Variants in NKAIN2 observed in about 807,000 individuals in gnomAD.
NKAIN2 encodes sodium/potassium-transporting ATPase subunit beta-1-interacting protein 2.
In NKAIN2, 14 loss-of-function variants were observed where a neutral mutation model predicts 32.6. That is an observed-to-expected ratio of 0.43 (90% CI 0.28 to 0.67). The LOEUF (loss-of-function observed/expected upper bound fraction) is 0.67. Ranked by LOEUF, NKAIN2 falls within the 30% of genes least tolerant of loss-of-function variation. The pLI is 0.17. For missense variants in NKAIN2, 198 were observed against 258.3 expected (o/e 0.77, Z 1.60); for synonymous variants, 80 against 87.2 (o/e 0.92, Z 0.46).
At chr6:123,934,257 A>G (rs1378921622) in intron 1 of NKAIN2, among the ~76,000 whole-genome samples, 1 of 152,182 alleles carries the variant, frequency 6.6e-6, no homozygotes, top group African/African-American at 2.4e-5. Context: ...ATGACTCCAT[A>G]GAATTATTTG....
At chr6:124,428,496 A>C (rs1022829916) in intron 3 of NKAIN2, among the ~76,000 whole-genome samples, 4 of 152,198 alleles carry the variant, frequency 2.6e-5, no homozygotes, top group African/African-American at 9.6e-5. Context: ...TCCTGCAAAT[A>C]TATAAAGGGA....
chr6:124,612,528 T>C (rs1287700129), intron 3 of NKAIN2, among the ~76,000 whole-genome samples: 2 of 152,140 alleles, frequency 1.3e-5, no homozygotes, highest in African/African-American at 4.8e-5. Flanking sequence ...CTTGAAGTCT[T>C]ATACCTGTAA....
chr6:123,925,257 G>GT (rs1279361827), intron 1 of NKAIN2, among the ~76,000 whole-genome samples: 1 of 152,128 alleles, frequency 6.6e-6, no homozygotes, highest in Non-Finnish European at 1.5e-5. Flanking sequence ...CCAATGCTAA[G>GT]TTTGAATATA....
At chr6:124,738,638 C>G (rs1052378871) in intron 4 of NKAIN2, among the ~76,000 whole-genome samples, 3 of 151,800 alleles carry the variant, frequency 2.0e-5, no homozygotes, top group Non-Finnish European at 4.4e-5. Context: ...CTTACTTATG[C>G]ATCATGAACC....
chr6:124,516,003 G>T (rs1401051963), intron 3 of NKAIN2, among the ~76,000 whole-genome samples: 1 of 152,096 alleles, frequency 6.6e-6, no homozygotes, highest in Non-Finnish European at 1.5e-5. Flanking sequence ...GTTATGCGAT[G>T]ATTTCTTCAA....
At chr6:124,745,132 A>G (rs181795502) in intron 4 of NKAIN2, among the ~76,000 whole-genome samples, 1 of 152,034 alleles carries the variant, frequency 6.6e-6, no homozygotes, top group East Asian at 1.9e-4. Context: ...ATACTATAAA[A>G]TGTTCAATTA....
chr6:124,316,040 A>C (rs1007588987), intron 2 of NKAIN2, among the ~76,000 whole-genome samples: 2 of 152,124 alleles, frequency 1.3e-5, no homozygotes, highest in Non-Finnish European at 2.9e-5. Context: ...AAATACAATA[A>C]GGAGGAATAA....
At chr6:124,170,658 A>G (rs1435755583) in intron 1 of NKAIN2, among the ~76,000 whole-genome samples, 1 of 152,200 alleles carries the variant, frequency 6.6e-6, no homozygotes, top group East Asian at 1.9e-4. Flanking sequence ...TTCTATAAAT[A>G]CAGTGAATTT....
At chr6:123,909,607 C>G (rs1775065208) in intron 1 of NKAIN2, among the ~76,000 whole-genome samples, 1 of 152,168 alleles carries the variant, frequency 6.6e-6, no homozygotes, top group Non-Finnish European at 1.5e-5. Flanking sequence ...TCTTCCCACC[C>G]AACCCAGCTT....
rs1778925300 is a variant in NKAIN2 at position 124,774,980 on chromosome 6, AT to A, written c.475-16358del. ...TAATGAATGTGATGATTTTAAAAAA[AT>A]AAACCTCCAATTCTAGAGAGAAGAG... is the stretch of plus-strand genomic sequence containing the variant. On this transcript the variant is annotated intron_variant, in intron 4 of 6. Transcript: ENST00000368417. 2.0e-5 allele frequency among the ~76,000 whole-genome samples: 3 copies of A among 152,318 alleles called. No individual in the cohort carries two copies. The South Asian group carries it at 6.2e-4, about 32-fold the overall frequency.
intron 2 of NKAIN2, among the ~76,000 whole-genome samples, chr6:124,345,471 T>C (rs969469167): frequency 9.2e-5 from 14 of 152,210 alleles, no homozygotes; most frequent in African/African-American, 1.9e-4. Flanking sequence ...TCCTGGACTC[T>C]TTTTGGTTGG....
chr6:124,160,619 G>A (rs1341277792), intron 1 of NKAIN2, among the ~76,000 whole-genome samples: 1 of 151,974 alleles, frequency 6.6e-6, no homozygotes, highest in Non-Finnish European at 1.5e-5. Flanking sequence ...TTTCATGAAA[G>A]GTTGGTTTAA....
At chr6:124,376,444 A>G (rs1455465789) in intron 3 of NKAIN2, among the ~76,000 whole-genome samples, 1 of 152,174 alleles carries the variant, frequency 6.6e-6, no homozygotes, top group Non-Finnish European at 1.5e-5. Context: ...AAAAAATCTC[A>G]TAGTGTGAAA....
intron 1 of NKAIN2, among the ~76,000 whole-genome samples, chr6:124,056,929 T>C (rs1782680919): frequency 6.6e-6 from 1 of 152,018 alleles, no homozygotes; most frequent in Admixed American, 6.6e-5. Flanking sequence ...CTGGAAACTG[T>C]TATGGCTTTG....
At chr6:124,075,219 G>T (rs6932669) in intron 1 of NKAIN2, among the ~76,000 whole-genome samples, 1 of 151,924 alleles carries the variant, frequency 6.6e-6, no homozygotes, top group Non-Finnish European at 1.5e-5. Context: ...GTTAAAACAT[G>T]AGTAAAAAAC....
intron 3 of NKAIN2, among the ~76,000 whole-genome samples, chr6:124,443,449 C>A (rs570926612): frequency 1.3e-5 from 2 of 152,102 alleles, no homozygotes; most frequent in Non-Finnish European, 2.9e-5. Context: ...AGAGGCAGTA[C>A]TAATCTGCTC....
chr6:124,462,734 T>G (rs1300013703), intron 3 of NKAIN2, among the ~76,000 whole-genome samples: 1 of 152,008 alleles, frequency 6.6e-6, no homozygotes, highest in Admixed American at 6.6e-5. Flanking sequence ...AGAAAAGAAC[T>G]CCATTCACAA....
At chr6:124,762,024 G>C (rs1043443883) in intron 4 of NKAIN2, among the ~76,000 whole-genome samples, 2 of 152,052 alleles carry the variant, frequency 1.3e-5, no homozygotes, top group East Asian at 3.9e-4. Context: ...ATATTTAGAA[G>C]TAACTATTAG....
chr6:124,283,406 CTG>C (rs1337206624), intron 2 of NKAIN2: 1 of 262,906 alleles, frequency 3.8e-6, no homozygotes, highest in Non-Finnish European at 7.2e-6. Context: ...ACAAGCCAAA[CTG>C]TGTTTCTATG....
Sources: allele counts gnomAD v4.1 joint callset (sites outside exome capture counted in the v4.1 genomes callset), GRCh38; gene constraint gnomAD v4.1.1; transcripts MANE v1.5; gene names NCBI Gene and HGNC (gene_info 2026-07-23, HGNC 2026-07-21).